The following ARID4B variants were observed in gnomAD, a reference collection of about 807,000 sequenced individuals.
ARID4B encodes the protein AT-rich interaction domain 4B, also known as AT-rich interactive domain-containing protein 4B.
A neutral mutation model predicts 147.5 loss-of-function variants in ARID4B; 26 were observed. That is an observed-to-expected ratio of 0.18 (90% CI 0.13 to 0.24). The LOEUF is 0.24. Ranked by LOEUF, ARID4B falls within the 10% of genes least tolerant of loss-of-function variation. ARID4B has a pLI of 1.00. For synonymous variants in ARID4B, 512 were observed against 507.9 expected (o/e 1.01, Z -0.11); for missense variants, 1,179 against 1,511.5 (o/e 0.78, Z 3.65).
At chr1:235,223,382 T>TATATATATATATATAC (rs71172272) in intron 12 of ARID4B, 122 bp from the exon 13 acceptor site, 79 of 214,166 alleles carry the variant, frequency 3.7e-4, no homozygotes, top group Non-Finnish European at 2.1e-4. Flanking sequence ...TATATATATA[T>TATATATATATATATAC]ACACGTATAT....
intron 23 of ARID4B, 48 bp downstream of exon 23, chr1:235,172,568 ACT>A (rs1663445339): frequency 7.5e-7 from 1 of 1,328,014 alleles, no homozygotes; most frequent in Non-Finnish European, 9.9e-7. Flanking sequence ...CAAGAGTGAA[ACT>A]CTGTCTCAAA....
intron 17 of ARID4B, among the ~76,000 whole-genome samples, chr1:235,210,115 T>C (rs1256458924): frequency 6.6e-6 from 1 of 151,884 alleles, no homozygotes; most frequent in Non-Finnish European, 1.5e-5. Context: ...GAGTCCCACC[T>C]ATTCCAGAGG....
At chr1:235,295,136 T>C (rs1044738832) in intron 2 of ARID4B, among the ~76,000 whole-genome samples, 1 of 152,136 alleles carries the variant, frequency 6.6e-6, no homozygotes, top group Non-Finnish European at 1.5e-5. Context: ...ATTATGGTAT[T>C]GTTATCTCAA....
intron 21 of ARID4B, among the ~76,000 whole-genome samples, chr1:235,176,458 AAAAAAAAAAAG>A (rs1663881927): frequency 6.8e-6 from 1 of 147,668 alleles, no homozygotes; most frequent in African/African-American, 2.5e-5. Context: ...AAAAAAAAAA[AAAAAAAAAAAG>A]GAGTTAAACT....
intron 2 of ARID4B, among the ~76,000 whole-genome samples, chr1:235,325,057 T>G (rs78110026): frequency 0.01 from 1,569 of 152,326 alleles, 25 homozygotes; most frequent in African/African-American, 0.033. Flanking sequence ...TCATCTTTTA[T>G]CACATAAGAA....
At chr1:235,171,710 G>T (rs549762880) in intron 23 of ARID4B, among the ~76,000 whole-genome samples, 8 of 151,846 alleles carry the variant, frequency 5.3e-5, no homozygotes, top group African/African-American at 1.4e-4. Flanking sequence ...CATGATCTCC[G>T]TTCACTGCAA....
intron 17 of ARID4B, among the ~76,000 whole-genome samples, chr1:235,203,758 C>T (rs1666108634): frequency 6.6e-6 from 1 of 151,804 alleles, no homozygotes; most frequent in East Asian, 1.9e-4. Flanking sequence ...AAGGGATTTC[C>T]CCACCTGAAT....
intron 19 of ARID4B, among the ~76,000 whole-genome samples, chr1:235,192,341 C>T (rs958030069): frequency 6.6e-6 from 1 of 152,152 alleles, no homozygotes; most frequent in Non-Finnish European, 1.5e-5. Context: ...AGGAGACATA[C>T]TACATGTTTT....
At chr1:235,216,499 G>A (rs1317855761) in intron 16 of ARID4B, among the ~76,000 whole-genome samples, 1 of 151,816 alleles carries the variant, frequency 6.6e-6, no homozygotes, top group African/African-American at 2.4e-5. Flanking sequence ...ATGCCACTAC[G>A]CTCTGCTGAT....
intron 6 of ARID4B, among the ~76,000 whole-genome samples, chr1:235,249,257 C>T (rs1364329402): frequency 2.0e-5 from 3 of 151,998 alleles, no homozygotes; most frequent in African/African-American, 4.8e-5. Context: ...CGCTTGAACC[C>T]GGGAGGCAGA....
chr1:235,318,149 G>T (rs1032615261), intron 2 of ARID4B, among the ~76,000 whole-genome samples: 1 of 138,056 alleles, frequency 7.2e-6, no homozygotes, highest in African/African-American at 2.6e-5. Flanking sequence ...AAAGAGCATA[G>T]TATTAACACT....
rs546397919 is a variant in ARID4B at position 235,167,501 on chromosome 1, G to A, written c.*1024C>T. The A allele has an allele frequency of 2.3e-4, 52 of 222,894 alleles. No individual in the cohort carries two copies. Among genetic ancestry groups the A allele is most frequent in the African/African-American group, 1.0e-3 (47 of 44,842 alleles). 13.8% of individuals were successfully genotyped at this position (222,894 alleles called of 1,614,324 possible). A position where few individuals can be genotyped will look rare whatever the true frequency, so the allele number is the denominator to read the frequency against. On this transcript the variant is annotated 3_prime_UTR_variant, in exon 24 of 24. Coordinates refer to ENST00000264183, the MANE Select transcript of ARID4B (RefSeq NM_016374.6). ...TTTATACAAGGCATTTAATTTTATA[G>A]GCCTACCACCCCCATTAGCTATTTA...
chr1:235,309,583 C>A (rs1285637912), intron 2 of ARID4B, among the ~76,000 whole-genome samples: 6 of 150,928 alleles, frequency 4.0e-5, no homozygotes, highest in Non-Finnish European at 7.4e-5. Flanking sequence ...TCAGCCGCCC[C>A]GTCCGGGAGG....
At chr1:235,178,097 T>C (rs1310546668) in intron 20 of ARID4B, among the ~76,000 whole-genome samples, 184 bp from the exon 21 acceptor site, 3 of 152,184 alleles carry the variant, frequency 2.0e-5, no homozygotes, top group Non-Finnish European at 2.9e-5. Flanking sequence ...TCAATTCTTA[T>C]ACATAATAAA....
intron 17 of ARID4B, among the ~76,000 whole-genome samples, chr1:235,202,635 C>T (rs377692987): frequency 2.0e-5 from 3 of 151,628 alleles, no homozygotes; most frequent in South Asian, 2.1e-4. Flanking sequence ...CTGCAACCTC[C>T]GCCTCTCAGG....
intron 2 of ARID4B, among the ~76,000 whole-genome samples, chr1:235,262,451 C>A (rs541632549): frequency 1.2e-4 from 19 of 152,190 alleles, no homozygotes; most frequent in Non-Finnish European, 2.6e-4. Context: ...GAAAGATAAT[C>A]ATTTCTGCAC....
intron 10 of ARID4B, 56 bp from the exon 11 acceptor site, chr1:235,229,441 A>C: frequency 8.2e-7 from 1 of 1,223,222 alleles, no homozygotes; most frequent in Non-Finnish European, 1.2e-6. Context: ...TTGTTTTCTC[A>C]AAAAGTATTA....
intron 2 of ARID4B, among the ~76,000 whole-genome samples, chr1:235,291,413 AATAAT>A (rs1672327334): frequency 6.6e-6 from 1 of 152,084 alleles, no homozygotes; most frequent in East Asian, 1.9e-4. Flanking sequence ...GTCTCAAAAA[AATAAT>A]AAATAAATAA....
intron 2 of ARID4B, among the ~76,000 whole-genome samples, chr1:235,303,828 A>T (rs1303010534): frequency 1.3e-5 from 2 of 152,246 alleles, no homozygotes; most frequent in East Asian, 1.9e-4. Context: ...TTTTATCATA[A>T]TGCAATGCAC....
Sources: gnomAD v4.1 joint callset for allele counts (sites outside exome capture counted in the v4.1 genomes callset) on GRCh38, gnomAD v4.1.1 for gene constraint, MANE v1.5 for transcripts, NCBI Gene and HGNC (gene_info 2026-07-23, HGNC 2026-07-21) for gene names.